C16orf78: variants seen among roughly 807,000 people sequenced by gnomAD.
C16orf78 encodes uncharacterized protein C16orf78.
C16orf78 carries 19 observed loss-of-function variants against 27.3 expected under a neutral mutation model. The observed-to-expected ratio is 0.70, with a 90% CI of 0.49 to 1.02. The LOEUF is 1.02. Ranked by LOEUF, C16orf78 falls within the 50% of genes least tolerant of loss-of-function variation. C16orf78 has a pLI of 0.00. For missense variants in C16orf78, 339 were observed against 337.0 expected (o/e 1.01, Z -0.05); for synonymous variants, 130 against 116.1 (o/e 1.12, Z -0.77).
chr16:49,386,855 C>T (rs932680280), intron 3 of C16orf78, among the ~76,000 whole-genome samples: 9 of 152,134 alleles, frequency 5.9e-5, no homozygotes, highest in African/African-American at 9.7e-5. Context: ...CATCAATGGG[C>T]GTTTAAGTTG....
intron 1 of C16orf78, among the ~76,000 whole-genome samples, chr16:49,376,616 G>A (rs772268731): frequency 4.6e-5 from 7 of 152,138 alleles, no homozygotes; most frequent in Non-Finnish European, 5.9e-5. Context: ...CATGGAGCAG[G>A]CCCTTGGACA....
chr16:49,375,256 T>C (rs893580961), intron 1 of C16orf78, among the ~76,000 whole-genome samples: 4 of 152,282 alleles, frequency 2.6e-5, no homozygotes, highest in Non-Finnish European at 5.9e-5. Flanking sequence ...TTCCATTATG[T>C]TTGTGTGCTT....
At chr16:49,387,618 TG>T (rs1965366524) in intron 3 of C16orf78, among the ~76,000 whole-genome samples, 2 of 152,216 alleles carry the variant, frequency 1.3e-5, no homozygotes, top group African/African-American at 4.8e-5. Flanking sequence ...TTAGTAGGAA[TG>T]GTACCAGCTC....
rs920335455 is a variant in C16orf78 at position 49,397,045 on chromosome 16, T to C, written c.650+367T>C. On this transcript the variant is annotated intron_variant, in intron 4 of 4. Coordinates refer to ENST00000299191, the MANE Select transcript of C16orf78 (RefSeq NM_144602.4). ...CGATCCTTTGCACTGTGGGGTTGAG[T>C]TGCTGGTGATGGTAGCCACCATCCT... Among the ~76,000 whole-genome samples, 3 of 152,232 alleles carry C rather than the reference T, an allele frequency of 2.0e-5. No individual in the cohort carries two copies. In the East Asian group the frequency reaches 5.8e-4, roughly 29 times the overall value.
chr16:49,396,335 A>C (rs1427775161), intron 3 of C16orf78, 88 bp from the exon 4 acceptor site: 10 of 1,452,252 alleles, frequency 6.9e-6, no homozygotes, highest in Non-Finnish European at 7.6e-6. Flanking sequence ...AAGTCCATGC[A>C]TTCCTCCAGC....
Position 49,399,340 on chromosome 16 carries a change from C to T in C16orf78, c.*62C>T. ...TCATGGGACCCTTCACCTCCAGATG[C>T]CATCCTCTGGCACACTACAAGTGGT... is the stretch of plus-strand genomic sequence containing the variant. On this transcript the variant is annotated 3_prime_UTR_variant, in exon 5 of 5. Coordinates refer to ENST00000299191, the MANE Select transcript of C16orf78 (RefSeq NM_144602.4). 4 of 1,574,182 alleles carry T rather than the reference C, an allele frequency of 2.5e-6. No homozygotes were observed. Among genetic ancestry groups the T allele is most frequent in the Non-Finnish European group, 3.5e-6 (4 of 1,151,098 alleles).
At position 49,399,322 on chromosome 16, in the gene C16orf78, A is replaced by G. The variant is rs1453741554; in HGVS notation, c.*44A>G. The G allele has an allele frequency of 6.2e-7, 1 of 1,605,084 alleles. No individual in the cohort carries two copies. Among genetic ancestry groups the G allele is most frequent in the East Asian group, 2.2e-5 (1 of 44,738 alleles). ...ACCTTCAGGCTCCTTCTGTCATGGGACCCTTCACCTCCAGATGCCATCCTC... is the reference window on the plus strand; with the variant it reads ...ACCTTCAGGCTCCTTCTGTCATGGGGCCCTTCACCTCCAGATGCCATCCTC... On this transcript the variant is annotated 3_prime_UTR_variant, in exon 5 of 5. Transcript: ENST00000299191.
At position 49,399,335 on chromosome 16, in the gene C16orf78, A is replaced by G; in HGVS notation, c.*57A>G. The G allele has an allele frequency of 1.3e-6, 2 of 1,591,088 alleles. No homozygotes were observed. The highest frequency in any genetic ancestry group is 2.3e-5 in the South Asian group (2 of 88,518). On this transcript the variant is annotated 3_prime_UTR_variant, in exon 5 of 5. Coordinates refer to ENST00000299191, the MANE Select transcript of C16orf78 (RefSeq NM_144602.4). ...TTCTGTCATGGGACCCTTCACCTCC[A>G]GATGCCATCCTCTGGCACACTACAA...
chr16:49,395,060 G>A (rs1026281568), intron 3 of C16orf78, among the ~76,000 whole-genome samples: 5 of 151,968 alleles, frequency 3.3e-5, no homozygotes, highest in Non-Finnish European at 5.9e-5. Flanking sequence ...TAGAGATGGA[G>A]TCTCACTTTG....
At chr16:49,394,704 A>G (rs543715758) in intron 3 of C16orf78, among the ~76,000 whole-genome samples, 38 of 152,176 alleles carry the variant, frequency 2.5e-4, no homozygotes, top group African/African-American at 8.7e-4. Context: ...TGTAATATAT[A>G]TTAAAAATAA....
intron 1 of C16orf78, among the ~76,000 whole-genome samples, chr16:49,376,786 A>C (rs1464967707): frequency 6.6e-6 from 1 of 151,870 alleles, no homozygotes; most frequent in Non-Finnish European, 1.5e-5. Flanking sequence ...TATTATCCCC[A>C]CCTTTCAGAC....
At chr16:49,392,710 A>T (rs1008920173) in intron 3 of C16orf78, among the ~76,000 whole-genome samples, 1 of 152,188 alleles carries the variant, frequency 6.6e-6, no homozygotes, top group African/African-American at 2.4e-5. Context: ...TTCGACTTTT[A>T]GGTTCTAGGA....
chr16:49,395,462 A>AT (rs542141702), intron 3 of C16orf78, among the ~76,000 whole-genome samples: 16 of 81,282 alleles, frequency 2.0e-4, no homozygotes, highest in East Asian at 1.3e-3. Flanking sequence ...TTTTTTTGCG[A>AT]TTTTTTTTTT....
At chr16:49,385,577 C>A (rs1189106666) in intron 3 of C16orf78, among the ~76,000 whole-genome samples, 1 of 151,580 alleles carries the variant, frequency 6.6e-6, no homozygotes, top group Non-Finnish European at 1.5e-5. Flanking sequence ...ATTACTTGAA[C>A]CTGGGAGGCA....
chr16:49,391,980 A>G (rs1965418023), intron 3 of C16orf78, among the ~76,000 whole-genome samples: 1 of 152,154 alleles, frequency 6.6e-6, no homozygotes, highest in Admixed American at 6.5e-5. Context: ...AGCACCATGT[A>G]CCATAAAGAG....
chr16:49,383,681 T>C (rs1965313359), intron 3 of C16orf78, among the ~76,000 whole-genome samples: 1 of 152,222 alleles, frequency 6.6e-6, no homozygotes, highest in African/African-American at 2.4e-5. Flanking sequence ...TCCTCAGTTA[T>C]TTATGTCTTT....
intron 3 of C16orf78, among the ~76,000 whole-genome samples, chr16:49,387,424 T>A (rs972358683): frequency 1.4e-4 from 21 of 152,324 alleles, no homozygotes; most frequent in Non-Finnish European, 2.9e-4. Context: ...TGTTGATAGT[T>A]TCTTCTCTTG....
intron 3 of C16orf78, among the ~76,000 whole-genome samples, chr16:49,392,345 C>T (rs989865404): frequency 7.9e-5 from 12 of 152,176 alleles, no homozygotes; most frequent in Non-Finnish European, 1.6e-4. Context: ...GCCATACATT[C>T]CTTCATCTGC....
rs201953780 is a variant in C16orf78, at chr16:49,374,065, G to A, written c.126G>A (p.Gln42=). ...TGCTGGAGTGGCTGGAGCGGAGGCA[G>A]GGGAAGAAGAAACAAGCTCCCGAGG... is the stretch of plus-strand genomic sequence containing the variant. ...TCVLEWLERR[Q]GKKKQAPEKQ... The change falls in exon 1 of 5, where the codon CAG becomes CAA. Residue 42 remains glutamine (Q), a synonymous_variant. Coordinates refer to ENST00000299191, the MANE Select transcript of C16orf78 (RefSeq NM_144602.4). 242 of 1,614,026 alleles carry A rather than the reference G, an allele frequency of 1.5e-4. No homozygotes were observed. Among genetic ancestry groups the A allele is most frequent in the Middle Eastern group, 4.9e-4 (3 of 6,084 alleles).
Sources: allele counts gnomAD v4.1 joint callset (sites outside exome capture counted in the v4.1 genomes callset), GRCh38; gene constraint gnomAD v4.1.1; transcripts MANE v1.5; gene names NCBI Gene and HGNC (gene_info 2026-07-23, HGNC 2026-07-21).